The following INPP4B variants were observed in gnomAD, a reference collection of about 807,000 sequenced individuals.
INPP4B encodes inositol polyphosphate-4-phosphatase type II B.
Under a neutral mutation model 122.5 loss-of-function variants are expected in INPP4B, and 55 were observed. The ratio of observed to expected loss-of-function variants is 0.45; its 90% confidence interval spans 0.36 to 0.56. The LOEUF is 0.56. INPP4B is among the 20% of genes least tolerant of loss of function. The probability of loss-of-function intolerance (pLI) is 0.00; values close to 1 mark genes in which losing one functional copy is unlikely to be tolerated. For synonymous variants in INPP4B, 403 were observed against 388.7 expected (o/e 1.04, Z -0.43); for missense variants, 1,000 against 1,097.7 (o/e 0.91, Z 1.26).
chr4:142,308,010 C>A (rs1764085886), intron 8 of INPP4B, among the ~76,000 whole-genome samples: 1 of 152,168 alleles, frequency 6.6e-6, no homozygotes, highest in Admixed American at 6.5e-5. Context: ...CCATAAGGCA[C>A]AGCTGCAAGT....
At chr4:142,529,219 A>G (rs1454793433) in intron 2 of INPP4B, among the ~76,000 whole-genome samples, 21 of 152,230 alleles carry the variant, frequency 1.4e-4, no homozygotes, top group Admixed American at 7.9e-4. Context: ...AAGTTTGTTG[A>G]TATGGTTTCA....
intron 15 of INPP4B, among the ~76,000 whole-genome samples, chr4:142,180,532 A>T (rs1170499890): frequency 6.6e-6 from 1 of 152,130 alleles, no homozygotes; most frequent in Non-Finnish European, 1.5e-5. Flanking sequence ...CTAGTTTTTC[A>T]GGGATTATAT....
intron 18 of INPP4B, among the ~76,000 whole-genome samples, chr4:142,132,553 A>G (rs1801850293): frequency 6.6e-6 from 1 of 152,020 alleles, no homozygotes; most frequent in Non-Finnish European, 1.5e-5. Flanking sequence ...GATACTTTGC[A>G]CTCGCCCTCC....
intron 12 of INPP4B, among the ~76,000 whole-genome samples, chr4:142,230,017 G>C (rs867376448): frequency 1.1e-4 from 16 of 152,114 alleles, no homozygotes; most frequent in Middle Eastern, 6.8e-3. Context: ...CCACTAACTG[G>C]CAAGTCTAAA....
At chr4:142,384,797 A>G (rs995089541) in intron 7 of INPP4B, among the ~76,000 whole-genome samples, 5 of 152,052 alleles carry the variant, frequency 3.3e-5, no homozygotes, top group African/African-American at 4.8e-5. Context: ...TAAGCCTAGT[A>G]CCCAATAGTT....
intron 2 of INPP4B, among the ~76,000 whole-genome samples, chr4:142,710,429 C>T (rs558433923): frequency 5.9e-5 from 9 of 152,104 alleles, no homozygotes; most frequent in African/African-American, 2.2e-4. Flanking sequence ...ATCTTTTATC[C>T]CTGATTGCTA....
intron 2 of INPP4B, among the ~76,000 whole-genome samples, chr4:142,532,928 T>C (rs1402469551): frequency 1.3e-5 from 2 of 152,210 alleles, no homozygotes; most frequent in African/African-American, 2.4e-5. Context: ...TGTTTTGCTT[T>C]ATGTTAGCAC....
At chr4:142,110,109 T>C (rs1254690983) in intron 22 of INPP4B, among the ~76,000 whole-genome samples, 2 of 152,276 alleles carry the variant, frequency 1.3e-5, no homozygotes, top group Non-Finnish European at 2.9e-5. Context: ...AATTCATATG[T>C]GGAAGCCCTA....
intron 15 of INPP4B, among the ~76,000 whole-genome samples, chr4:142,178,833 T>TAAAAAAAAAAA (rs3049049): frequency 7.1e-6 from 1 of 140,518 alleles, no homozygotes; most frequent in African/African-American, 2.6e-5. Context: ...ACCCTACTTG[T>TAAAAAAAAAAA]AAAAAAAAAA....
intron 2 of INPP4B, among the ~76,000 whole-genome samples, chr4:142,640,881 G>C (rs1750240088): frequency 6.6e-6 from 1 of 152,074 alleles, no homozygotes; most frequent in Admixed American, 6.6e-5. Flanking sequence ...GATACTGCTA[G>C]ACACTCAGCA....
intron 7 of INPP4B, among the ~76,000 whole-genome samples, chr4:142,385,872 T>C (rs1795801349): frequency 6.6e-6 from 1 of 152,206 alleles, no homozygotes. Flanking sequence ...ATCATGATAA[T>C]TAAATAATCT....
intron 2 of INPP4B, among the ~76,000 whole-genome samples, chr4:142,533,503 C>T (rs1012370117): frequency 3.3e-5 from 5 of 151,594 alleles, no homozygotes; most frequent in African/African-American, 1.2e-4. Context: ...CTTTATAATA[C>T]AGGATGACTC....
At chr4:142,664,073 G>A (rs1580660445) in intron 2 of INPP4B, among the ~76,000 whole-genome samples, 1 of 152,226 alleles carries the variant, frequency 6.6e-6, no homozygotes, top group East Asian at 1.9e-4. Context: ...TAACTCTCTG[G>A]CCTGAAGACT....
chr4:142,077,365 G>A (rs1206317564), intron 25 of INPP4B, among the ~76,000 whole-genome samples: 1 of 151,934 alleles, frequency 6.6e-6, no homozygotes, highest in Non-Finnish European at 1.5e-5. Context: ...ACTACTTTGT[G>A]TAGTCATCAT....
intron 5 of INPP4B, chr4:142,425,233 A>G (rs1332225148): frequency 6.6e-6 from 1 of 152,028 alleles, no homozygotes; most frequent in Non-Finnish European, 1.5e-5. Flanking sequence ...TCCAATCACC[A>G]GGCCTGATCC....
intron 8 of INPP4B, among the ~76,000 whole-genome samples, chr4:142,313,863 A>C (rs973294535): frequency 6.6e-6 from 1 of 152,174 alleles, no homozygotes; most frequent in African/African-American, 2.4e-5. Flanking sequence ...TGCTCAGTCA[A>C]GTCAAACTTT....
chr4:142,656,784 G>A (rs888105872), intron 2 of INPP4B, among the ~76,000 whole-genome samples: 14 of 152,058 alleles, frequency 9.2e-5, no homozygotes, highest in Non-Finnish European at 1.9e-4. Flanking sequence ...CAACAAGTTA[G>A]CCCTTAAAGA....
At chr4:142,673,215 T>C (rs1757248917) in intron 2 of INPP4B, among the ~76,000 whole-genome samples, 1 of 152,172 alleles carries the variant, frequency 6.6e-6, no homozygotes, top group African/African-American at 2.4e-5. Flanking sequence ...CTATTTTAGT[T>C]CCTTTGACTT....
chr4:142,643,558 CT>C (rs1389690306), intron 2 of INPP4B, among the ~76,000 whole-genome samples: 2 of 152,046 alleles, frequency 1.3e-5, no homozygotes, highest in Non-Finnish European at 2.9e-5. Flanking sequence ...GAGGAGAAAG[CT>C]TTTTGTTTTA....
Sources: gnomAD v4.1 joint callset for allele counts (sites outside exome capture counted in the v4.1 genomes callset) on GRCh38, gnomAD v4.1.1 for gene constraint, MANE v1.5 for transcripts, NCBI Gene and HGNC (gene_info 2026-07-23, HGNC 2026-07-21) for gene names.